The following TMEM72 variants were observed in gnomAD, a reference collection of about 807,000 sequenced individuals.
The protein encoded by TMEM72 is kidney-specific secretory protein of 37 kDa.
In TMEM72, 9 loss-of-function variants were observed where a neutral mutation model predicts 16.3. That is an observed-to-expected ratio of 0.55 (90% CI 0.33 to 0.96). The LOEUF (loss-of-function observed/expected upper bound fraction) is 0.96. Among genes scored for constraint, TMEM72 ranks in the 40% least tolerant of loss-of-function variants. The pLI, the probability that TMEM72 is intolerant of heterozygous loss-of-function variation, is 0.03. For missense variants in TMEM72, 324 were observed against 337.8 expected, an observed-to-expected ratio of 0.96 and a Z score of 0.32; for synonymous variants, 160 against 146.5, an observed-to-expected ratio of 1.09 and a Z score of -0.66.
At chr10:44,924,129 G>A (rs548226781) in intron 1 of TMEM72, among the ~76,000 whole-genome samples, 43 of 152,270 alleles carry the variant, frequency 2.8e-4, no homozygotes, top group African/African-American at 9.4e-4. Context: ...ACGCTGCAGA[G>A]CCCAATATTT....
chr10:44,935,113 T>G lies in TMEM72; in HGVS notation c.807T>G (p.Leu269=). 1 of 1,601,868 alleles carries G rather than the reference T, an allele frequency of 6.2e-7. No individual in the cohort carries two copies. Among genetic ancestry groups the G allele is most frequent in the Non-Finnish European group, 8.5e-7 (1 of 1,173,950 alleles). Residue 269 remains leucine, a synonymous_variant, in exon 5 of 5, where the codon CTT becomes CTG. Transcript: ENST00000389583. Reference sequence around the variant, plus strand: ...AGGCCCCACTCTTCCTGTCATCTCTTACAGCCACCGGCCTGTTCTGAGCGC... The same window carrying G: ...AGGCCCCACTCTTCCTGTCATCTCTGACAGCCACCGGCCTGTTCTGAGCGC... ...PPQAPLFLSS[L]TATGLF is the part of the protein sequence containing the mutation.
At position 44,936,143 on chromosome 10, in the gene TMEM72, T is replaced by C. The variant is rs1049567960; in HGVS notation, c.*1009T>C. ...AGTTAACCCAGAAGGAACAAAGACA[T>C]CTGAATCAGATATTCCTTTGTAAAT... On this transcript the variant is annotated 3_prime_UTR_variant, in exon 5 of 5. Coordinates refer to ENST00000389583, the MANE Select transcript of TMEM72 (RefSeq NM_001123376.3). The C allele has an allele frequency of 6.6e-6, 1 of 152,190 alleles. No individual in the cohort carries two copies. Among genetic ancestry groups the C allele is most frequent in the African/African-American group, 2.4e-5 (1 of 41,436 alleles). The allele number at this position is 152,190 out of a possible 1,614,324, so 9.4% of individuals were successfully genotyped here.
intron 2 of TMEM72, among the ~76,000 whole-genome samples, chr10:44,931,522 ACCCAGGCAATG>A (rs1191941980): frequency 6.6e-6 from 1 of 152,190 alleles, no homozygotes; most frequent in African/African-American, 2.4e-5. Flanking sequence ...CAGGGCCTGA[ACCCAGGCAATG>A]CCCATGAGGT....
Position 44,928,243 on chromosome 10 carries a change from TG to T in TMEM72, c.137+257del, listed in dbSNP as rs1840232096. The stretch of plus-strand genomic sequence containing the variant: ...CCAGCCACCCATCTATCCATCCATC[TG>T]CCCATCCATTCGTCAGCCCACCCAT... On this transcript the variant is annotated intron_variant, in intron 2 of 4. Transcript: ENST00000389583. 3.9e-5 allele frequency among the ~76,000 whole-genome samples: 6 copies of T among 151,946 alleles called. No homozygotes were observed. In the South Asian group the frequency reaches 1.2e-3, roughly 32 times the overall value.
intron 1 of TMEM72, among the ~76,000 whole-genome samples, chr10:44,917,849 G>T (rs1564433070): frequency 6.6e-6 from 1 of 152,188 alleles, no homozygotes; most frequent in Non-Finnish European, 1.5e-5. Flanking sequence ...GGAATAGGAA[G>T]TGAATACCTC....
rs1018847914 is a variant in TMEM72 at position 44,932,088 on chromosome 10, G to A, written c.209+19G>A. The A allele has an allele frequency of 1.2e-6, 2 of 1,610,284 alleles. No homozygotes were observed. The highest frequency in any genetic ancestry group is 1.7e-6 in the Non-Finnish European group (2 of 1,178,404). ...GCTTCCAGTAAGTAGTTTCCAGAGAGACCCCTCCATTGTCCACCCCAGCCC... is the reference window on the plus strand; with the variant it reads ...GCTTCCAGTAAGTAGTTTCCAGAGAAACCCCTCCATTGTCCACCCCAGCCC... On this transcript the variant is annotated intron_variant, in intron 3 of 4. Transcript: ENST00000389583.
chr10:44,933,503 G>A (rs1029728702), intron 3 of TMEM72, 134 bp from the exon 4 acceptor site: 84 of 1,239,408 alleles, frequency 6.8e-5, no homozygotes, highest in Non-Finnish European at 8.7e-5. Flanking sequence ...ACCAAGGACC[G>A]CTAGGGCTTT....
In TMEM72 at chr10:44,927,929, G is replaced by T; in HGVS notation, c.79G>T (p.Gly27Cys). 1.2e-6 allele frequency: 2 copies of T among 1,610,940 alleles called. No homozygotes were observed. The highest frequency in any genetic ancestry group is 1.7e-6 in the Non-Finnish European group (2 of 1,178,638). ...LGITTAAVLI[G>C]VGTETFLQGQ... Reference sequence around the variant, plus strand: ...CTTCTCTTGCCCCTTAGTGTTGATCGGCGTGGGCACTGAGACCTTCCTCCA... The same window carrying T: ...CTTCTCTTGCCCCTTAGTGTTGATCTGCGTGGGCACTGAGACCTTCCTCCA... Residue 27 changes from glycine to cysteine, a missense_variant, in exon 2 of 5, where the codon GGC (glycine) becomes TGC (cysteine). Physicochemically the swap from Gly to Cys is radical, Grantham distance 159 (BLOSUM62 -3). Coordinates refer to ENST00000389583, the MANE Select transcript of TMEM72 (RefSeq NM_001123376.3).
At chr10:44,933,586 G>C (rs781395698) in intron 3 of TMEM72, 51 bp from the exon 4 acceptor site, 1 of 1,578,658 alleles carries the variant, frequency 6.3e-7, no homozygotes, top group Non-Finnish European at 8.6e-7. Flanking sequence ...ATCCAGTCTT[G>C]CTGGGGTTTT....
rs1840225047 is a variant in TMEM72 at position 44,927,958 on chromosome 10, C to T, written c.108C>T (p.Gly36=). ...TGGGCACTGAGACCTTCCTCCAGGG[C>T]CAGTTCAAAAGCCTGGCTTTCTATC... ...IGVGTETFLQ[G]QFKSLAFYLL... Residue 36 remains glycine (G), a synonymous_variant, in exon 2 of 5, where the codon GGC becomes GGT. Transcript: ENST00000389583. 3.7e-6 allele frequency: 6 copies of T among 1,613,852 alleles called. No individual in the cohort carries two copies. The highest frequency in any genetic ancestry group is 1.3e-5 in the African/African-American group (1 of 75,010).
intron 1 of TMEM72, among the ~76,000 whole-genome samples, chr10:44,921,892 G>A (rs1442583272): frequency 1.3e-5 from 2 of 152,218 alleles, no homozygotes; most frequent in Non-Finnish European, 2.9e-5. Context: ...GGCTTAGACT[G>A]AAGGCCACAT....
intron 2 of TMEM72, among the ~76,000 whole-genome samples, chr10:44,929,466 C>A (rs78999723): frequency 1.3e-5 from 2 of 152,204 alleles, no homozygotes; most frequent in African/African-American, 2.4e-5. Flanking sequence ...TCCACTCCCC[C>A]CCCTCCTCAG....
In TMEM72 at chr10:44,913,329, G is replaced by A. The variant is rs537618702; in HGVS notation, c.70+1747G>A. On this transcript the variant is annotated intron_variant, in intron 1 of 4. Transcript: ENST00000389583. ...CACCCAGAGCTGAGGCCCACCTCCC[G>A]TCGAGAGGCTGTTCTAAGATGTATG... is the stretch of plus-strand genomic sequence containing the variant. Among the ~76,000 whole-genome samples the A allele has an allele frequency of 4.6e-5, 7 of 152,130 alleles. No individual in the cohort carries two copies. The East Asian group carries it at 5.8e-4, about 13-fold the overall frequency.
chr10:44,934,799 A>G lies in TMEM72; in HGVS notation c.493A>G (p.Thr165Ala). The G allele has an allele frequency of 1.2e-6, 2 of 1,613,678 alleles. No individual in the cohort carries two copies. The highest frequency in any genetic ancestry group is 1.7e-6 in the Non-Finnish European group (2 of 1,179,990). ...SAVSTTGSGD[T>A]EQTYTFHGAL... is the part of the protein sequence containing the mutation. ...TGTGAGCACCACCGGCTCTGGGGAC[A>G]CAGAGCAAACCTACACTTTCCATGG... Residue 165 changes from threonine (T) to alanine (A), a missense_variant, in exon 5 of 5, where the codon ACA (threonine) becomes GCA (alanine). By Grantham distance (58) the Thr-to-Ala change is moderately conservative (BLOSUM62 0). Coordinates refer to ENST00000389583, the MANE Select transcript of TMEM72 (RefSeq NM_001123376.3).
chr10:44,915,043 T>G (rs76850414), intron 1 of TMEM72, among the ~76,000 whole-genome samples: 3,120 of 152,312 alleles, frequency 0.02, 97 homozygotes, highest in African/African-American at 0.071. Flanking sequence ...GACATGTCCC[T>G]GAGCCCCGCC....
At position 44,931,995 on chromosome 10, in the gene TMEM72, C is replaced by T; in HGVS notation, c.138-3C>T. 1 of 1,612,152 alleles carries T rather than the reference C, an allele frequency of 6.2e-7. No individual in the cohort carries two copies. Among genetic ancestry groups the T allele is most frequent in the Non-Finnish European group, 8.5e-7 (1 of 1,179,184 alleles). The stretch of plus-strand genomic sequence containing the variant: ...AGCCTCCCTCACCTGTCTCCACCTG[C>T]AGGTTTACAGGAGCCGCTGTCTCCA... On this transcript the variant is annotated splice_polypyrimidine_tract_variant and splice_region_variant and intron_variant, in intron 2 of 4. Transcript: ENST00000389583.
chr10:44,913,490 G>A (rs889811615), intron 1 of TMEM72, among the ~76,000 whole-genome samples: 15 of 152,106 alleles, frequency 9.9e-5, no homozygotes, highest in Admixed American at 2.6e-4. Context: ...ACCCGTGCGC[G>A]CGCACATAGG....
At chr10:44,930,845 T>G (rs1349386399) in intron 2 of TMEM72, among the ~76,000 whole-genome samples, 1 of 152,186 alleles carries the variant, frequency 6.6e-6, no homozygotes, top group Non-Finnish European at 1.5e-5. Flanking sequence ...AGTTTACAGC[T>G]GAGGAAACTA....
rs943285181 is a variant in TMEM72, at chr10:44,936,877, T to A, written c.*1743T>A. 5.9e-5 allele frequency: 9 copies of A among 152,220 alleles called. No homozygotes were observed. The highest frequency in any genetic ancestry group is 1.3e-4 in the Non-Finnish European group (9 of 68,060). 9.4% of individuals were successfully genotyped at this position (152,220 alleles called of 1,614,324 possible). On this transcript the variant is annotated 3_prime_UTR_variant, in exon 5 of 5. Coordinates refer to ENST00000389583, the MANE Select transcript of TMEM72 (RefSeq NM_001123376.3). ...CACAGACATGGCCAGCCTCTGACGT[T>A]CCTCTGCATCAGAGTAGTTCTGTCC...
Sources: gnomAD v4.1 joint callset for allele counts (sites outside exome capture counted in the v4.1 genomes callset) on GRCh38, gnomAD v4.1.1 for gene constraint, MANE v1.5 for transcripts, NCBI Gene and HGNC (gene_info 2026-07-23, HGNC 2026-07-21) for gene names.